NHS: variants seen among roughly 807,000 people sequenced by gnomAD.
NHS encodes NHS actin remodeling regulator.
Under a neutral mutation model 72.5 loss-of-function variants are expected in NHS, and 5 were observed. The ratio of observed to expected loss-of-function variants is 0.07; its 90% CI spans 0.04 to 0.14. The LOEUF is 0.14. Ranked by LOEUF, NHS falls within the 10% of genes least tolerant of loss-of-function variation. NHS has a pLI of 1.00. For missense variants in NHS, 1,072 were observed against 1,355.7 expected, an observed-to-expected ratio of 0.79 and a Z score of 3.29; for synonymous variants, 464 against 547.7, an observed-to-expected ratio of 0.85 and a Z score of 2.13.
At chrX:17,619,304 G>A (rs1466216577) in intron 1 of NHS, among the ~76,000 whole-genome samples, 4 of 112,283 alleles carry the variant, frequency 3.6e-5, no homozygotes, top group Admixed American at 9.4e-5. Context: ...ACTTCATGGA[G>A]CAGAGCATCT....
Position 17,733,238 on chromosome X carries a change from T to C in NHS, c.*774T>C, listed in dbSNP as rs2066500716. On this transcript the variant is annotated 3_prime_UTR_variant, in exon 9 of 9. Coordinates refer to ENST00000676302, the MANE Select transcript of NHS (RefSeq NM_001291867.2). ...CAAATTGCAGCACCAAACAAACTAA[T>C]AGCAACCCATGGCTGTGATTTGTTG... 8.9e-6 allele frequency: 1 copy of C among 112,151 alleles called. No homozygotes were observed. The highest frequency in any genetic ancestry group is 3.7e-4 in the South Asian group (1 of 2,699). 9.2% of individuals were successfully genotyped at this position (112,151 alleles called of 1,213,427 possible).
intron 5 of NHS, among the ~76,000 whole-genome samples, chrX:17,722,124 C>T (rs1333675252): frequency 1.8e-5 from 2 of 112,043 alleles, no homozygotes; most frequent in Non-Finnish European, 3.8e-5. Context: ...TATATGGATA[C>T]AGAGATGAAG....
chrX:17,510,966 T>A (rs2065084588), intron 1 of NHS, among the ~76,000 whole-genome samples: 1 of 112,255 alleles, frequency 8.9e-6, no homozygotes, highest in African/African-American at 3.2e-5. Context: ...CAAGAGATTG[T>A]CCCTGGTTGT....
At chrX:17,674,153 G>A (rs2066066025) in intron 1 of NHS, among the ~76,000 whole-genome samples, 1 of 111,640 alleles carries the variant, frequency 9.0e-6, no homozygotes, top group Non-Finnish European at 1.9e-5. Context: ...GGAGGGATTG[G>A]GGTCAAGCTT....
intron 1 of NHS, among the ~76,000 whole-genome samples, chrX:17,441,718 T>G (rs2064755465): frequency 9.0e-6 from 1 of 111,286 alleles, no homozygotes; most frequent in South Asian, 3.9e-4. Context: ...AAGGGAGGTG[T>G]TCTCTGTCCC....
intron 3 of NHS, among the ~76,000 whole-genome samples, chrX:17,713,720 T>C (rs2066348554): frequency 8.9e-6 from 1 of 111,860 alleles, no homozygotes; most frequent in Admixed American, 9.5e-5. Flanking sequence ...GGGGATCATC[T>C]TGAAACCCTT....
chrX:17,509,206 AATTTATTT>A (rs10691839), intron 1 of NHS, among the ~76,000 whole-genome samples: 201 of 98,188 alleles, frequency 2.0e-3, no homozygotes, highest in African/African-American at 5.5e-3. Context: ...AGTTACAAGT[AATTTATTT>A]ATTTATTTAT....
intron 2 of NHS, among the ~76,000 whole-genome samples, chrX:17,688,695 C>T (rs974678167): frequency 8.9e-6 from 1 of 111,865 alleles, no homozygotes; most frequent in African/African-American, 3.3e-5. Flanking sequence ...TGCCAGAGCT[C>T]TTTTCCTCCT....
rs60109685 is a variant in NHS at position 17,379,920 on chromosome X, T to G, written c.565+3598T>G. Among the ~76,000 whole-genome samples, 40 of 112,131 alleles carry G rather than the reference T, an allele frequency of 3.6e-4. No individual in the cohort carries two copies. In the East Asian group the frequency reaches 7.8e-3, roughly 22 times the overall value. ...GCCATGTTAAGTTTGAGATACCTGA[T>G]GTGTCTTACATAATTACATGTGTGA... is the stretch of plus-strand genomic sequence containing the variant. On this transcript the variant is annotated intron_variant, in intron 1 of 8. Coordinates refer to ENST00000676302, the MANE Select transcript of NHS (RefSeq NM_001291867.2).
At chrX:17,554,137 G>A (rs1250328223) in intron 1 of NHS, among the ~76,000 whole-genome samples, 15 of 112,261 alleles carry the variant, frequency 1.3e-4, no homozygotes, top group Non-Finnish European at 2.3e-4. Context: ...TCTCTGCAGC[G>A]CAGCATGTCC....
chrX:17,620,596 GAA>G (rs371791989), intron 1 of NHS, among the ~76,000 whole-genome samples: 5 of 96,961 alleles, frequency 5.2e-5, no homozygotes, highest in Admixed American at 1.1e-4. Context: ...AAAGTTCCCT[GAA>G]AAAAAAAAAA....
At chrX:17,534,227 CTA>C (rs2065212703) in intron 1 of NHS, among the ~76,000 whole-genome samples, 1 of 112,177 alleles carries the variant, frequency 8.9e-6, no homozygotes, top group African/African-American at 3.2e-5. Context: ...AGGATTGAGA[CTA>C]TGAGTTGATT....
chrX:17,582,896 G>A, intron 1 of NHS, among the ~76,000 whole-genome samples: 1 of 112,572 alleles, frequency 8.9e-6, no homozygotes, highest in Non-Finnish European at 1.9e-5. Flanking sequence ...GCCAAGTTAG[G>A]AGGGGCCATA....
intron 1 of NHS, among the ~76,000 whole-genome samples, chrX:17,499,215 A>G (rs1349786231): frequency 9.0e-6 from 1 of 111,022 alleles, no homozygotes; most frequent in Non-Finnish European, 1.9e-5. Flanking sequence ...AGGATACTCC[A>G]GGAATCTCCT....
intron 1 of NHS, among the ~76,000 whole-genome samples, chrX:17,521,907 T>G (rs1161896709): frequency 8.9e-6 from 1 of 112,805 alleles, no homozygotes; most frequent in Non-Finnish European, 1.9e-5. Context: ...CGGTCTTCAT[T>G]TAGCTGAATG....
chrX:17,543,575 T>G (rs773392327), intron 1 of NHS, among the ~76,000 whole-genome samples: 2 of 112,278 alleles, frequency 1.8e-5, no homozygotes, highest in South Asian at 7.5e-4. Context: ...CTGCTTCTCT[T>G]GTACAGAGGT....
chrX:17,647,584 A>C (rs2065911709), intron 1 of NHS, among the ~76,000 whole-genome samples: 1 of 112,454 alleles, frequency 8.9e-6, no homozygotes, highest in Admixed American at 9.4e-5. Context: ...TTAGGAAGAC[A>C]GCATGACTAT....
intron 1 of NHS, among the ~76,000 whole-genome samples, chrX:17,466,919 A>C (rs1187301937): frequency 8.9e-6 from 1 of 112,156 alleles, no homozygotes; most frequent in Non-Finnish European, 1.9e-5. Flanking sequence ...ACAGTCATGC[A>C]TAAGCTCTGG....
chrX:17,674,103 C>G (rs769279773), intron 1 of NHS, among the ~76,000 whole-genome samples: 2 of 112,133 alleles, frequency 1.8e-5, no homozygotes, highest in East Asian at 5.7e-4. Context: ...GTTTCCTTTC[C>G]CAGACCCAAG....
Sources: gnomAD v4.1 joint callset for allele counts (sites outside exome capture counted in the v4.1 genomes callset) on GRCh38, gnomAD v4.1.1 for gene constraint, MANE v1.5 for transcripts, NCBI Gene and HGNC (gene_info 2026-07-23, HGNC 2026-07-21) for gene names.